GDPD4: variants seen among roughly 807,000 people sequenced by gnomAD.
GDPD4 encodes the protein glycerophosphodiester phosphodiesterase domain containing 4.
GDPD4 carries 60 observed loss-of-function variants against 67.8 expected under a neutral mutation model. The observed-to-expected ratio is 0.88, with a 90% CI of 0.72 to 1.10. The LOEUF is 1.10. GDPD4 is among the 50% of genes least tolerant of loss of function. The probability of loss-of-function intolerance (pLI) is 0.00; values close to 1 mark genes in which losing one functional copy is unlikely to be tolerated. For synonymous variants in GDPD4, 212 were observed against 210.9 expected (o/e 1.00, Z -0.04); for missense variants, 623 against 613.9 (o/e 1.01, Z -0.16).
At chr11:77,277,224 TAAAA>T (rs34429129) in intron 4 of GDPD4, among the ~76,000 whole-genome samples, 174 of 134,910 alleles carry the variant, frequency 1.3e-3, no homozygotes, top group Non-Finnish European at 2.1e-3. Context: ...TTTCCCCATG[TAAAA>T]AAAAAAAAAA....
intron 1 of GDPD4, among the ~76,000 whole-genome samples, chr11:77,296,307 GGATT>G (rs1476695970): frequency 7.0e-6 from 1 of 143,732 alleles, no homozygotes; most frequent in African/African-American, 2.6e-5. Flanking sequence ...ATTGATGTAT[GGATT>G]ATTTTTTTAA....
At chr11:77,238,030 C>G (rs905319593) in intron 13 of GDPD4, among the ~76,000 whole-genome samples, 1 of 152,066 alleles carries the variant, frequency 6.6e-6, no homozygotes, top group Admixed American at 6.5e-5. Context: ...TTAGCAAGAA[C>G]AGCAAATTAA....
At chr11:77,282,741 G>T (rs1959820766) in intron 3 of GDPD4, among the ~76,000 whole-genome samples, 1 of 151,750 alleles carries the variant, frequency 6.6e-6, no homozygotes, top group African/African-American at 2.4e-5. Context: ...TAGGACAGTA[G>T]CATTAGGAAG....
chr11:77,238,249 C>T (rs552340784), intron 13 of GDPD4, among the ~76,000 whole-genome samples: 9 of 152,170 alleles, frequency 5.9e-5, no homozygotes, highest in African/African-American at 1.4e-4. Context: ...AATTGCACAA[C>T]GATGTAAATG....
chr11:77,237,854 G>C (rs1482039265), intron 13 of GDPD4, among the ~76,000 whole-genome samples: 1 of 152,236 alleles, frequency 6.6e-6, no homozygotes, highest in Admixed American at 6.5e-5. Flanking sequence ...GCTCATGCCA[G>C]AGGTTGCAGT....
intron 16 of GDPD4, 122 bp downstream of exon 16, chr11:77,227,740 CAA>C: frequency 1.7e-6 from 1 of 599,758 alleles, no homozygotes; most frequent in East Asian, 3.5e-5. Flanking sequence ...GTCCCTCCCC[CAA>C]CCCCACCCCC....
chr11:77,282,337 T>A (rs1172910736), intron 3 of GDPD4, among the ~76,000 whole-genome samples: 1 of 151,846 alleles, frequency 6.6e-6, no homozygotes, highest in Non-Finnish European at 1.5e-5. Context: ...ATACTTAATA[T>A]AAAATAAGGC....
At chr11:77,241,038 A>G (rs1426910688) in intron 13 of GDPD4, among the ~76,000 whole-genome samples, 1 of 152,262 alleles carries the variant, frequency 6.6e-6, no homozygotes, top group South Asian at 2.1e-4. Flanking sequence ...AACTAAAAAT[A>G]GAACTAACAT....
intron 1 of GDPD4, among the ~76,000 whole-genome samples, chr11:77,301,305 C>T (rs973793870): frequency 3.0e-4 from 45 of 152,288 alleles, no homozygotes; most frequent in African/African-American, 8.2e-4. Context: ...CACCGCCATT[C>T]CCCAGCTCAT....
intron 16 of GDPD4, among the ~76,000 whole-genome samples, chr11:77,219,359 T>G (rs868378899): frequency 6.6e-6 from 1 of 152,240 alleles, no homozygotes; most frequent in Admixed American, 6.5e-5. Flanking sequence ...GGCAGTTTGT[T>G]TTGCTGTGCA....
At position 77,268,971 on chromosome 11, in the gene GDPD4, T is replaced by C. The variant is rs747172238; in HGVS notation, c.577A>G (p.Asn193Asp). 1.5e-5 allele frequency: 25 copies of C among 1,613,852 alleles called. No homozygotes were observed. The East Asian group carries it at 5.3e-4, about 35-fold the overall frequency. The change falls in exon 9 of 17, where the codon AAT (asparagine) becomes GAT (aspartate). Residue 193 changes from asparagine (N) to aspartate (D), a missense_variant. By Grantham distance (23) the Asn-to-Asp change is conservative (BLOSUM62 1). Coordinates refer to ENST00000315938, the MANE Select transcript of GDPD4 (RefSeq NM_182833.3). ...IYSPCIQEKE[N>D]LGPKPTIFGH... ...AAGATGGTTGGCTTGGGCCCCAAAT[T>C]CTCCTTCTCCTGAATGCAGGGAGAA...
intron 3 of GDPD4, among the ~76,000 whole-genome samples, chr11:77,281,279 A>G (rs865857765): frequency 2.0e-5 from 3 of 152,116 alleles, no homozygotes; most frequent in Admixed American, 6.5e-5. Context: ...CCTTTCCCCA[A>G]TACATATTGC....
At position 77,245,292 on chromosome 11, in the gene GDPD4, C is replaced by T. The variant is rs1416779487; in HGVS notation, c.1075G>A (p.Glu359Lys). 1.1e-5 allele frequency: 18 copies of T among 1,613,688 alleles called. No homozygotes were observed. Among genetic ancestry groups the T allele is most frequent in the Non-Finnish European group, 1.4e-5 (16 of 1,179,806 alleles). The change falls in exon 12 of 17, where the codon GAG becomes AAG. Residue 359 changes from glutamate (E) to lysine (K), a missense_variant. Physicochemically the swap from Glu to Lys is moderately conservative, Grantham distance 56. Coordinates refer to ENST00000315938, the MANE Select transcript of GDPD4 (RefSeq NM_182833.3). ...TGAGATAGACTTACCAGATGTTGCT[C>T]GATTTTAGAGGCAAGGATCACGCTT... ...VVSVILASKI[E>K]QHLIFWLPAH...
At chr11:77,270,110 C>T (rs1487045497) in intron 7 of GDPD4, 150 bp from the exon 8 acceptor site, 12 of 533,494 alleles carry the variant, frequency 2.2e-5, no homozygotes, top group Admixed American at 1.4e-4. Context: ...CTTTCTCTTG[C>T]CTGCATACCC....
At chr11:77,217,430 C>T in intron 16 of GDPD4, 116 bp from the exon 17 acceptor site, 1 of 870,462 alleles carries the variant, frequency 1.1e-6, no homozygotes, top group East Asian at 2.4e-5. Context: ...CTTTCAGGTT[C>T]TTTCCTCCAA....
chr11:77,251,521 C>G (rs936607987), intron 11 of GDPD4, among the ~76,000 whole-genome samples: 1 of 152,192 alleles, frequency 6.6e-6, no homozygotes, highest in Non-Finnish European at 1.5e-5. Context: ...TCTTTCAGTA[C>G]TTTGAATACC....
chr11:77,288,299 T>C lies in GDPD4; in HGVS notation c.-253-879A>G, dbSNP rs140950486. ...GGTCCCACCCACCTGCCCTGCACAC[T>C]GCTAACACTGCCAGTACCCAAGCAA... On this transcript the variant is annotated intron_variant, in intron 1 of 16. Coordinates refer to ENST00000315938, the MANE Select transcript of GDPD4 (RefSeq NM_182833.3). 1.4e-3 allele frequency among the ~76,000 whole-genome samples: 212 copies of C among 152,158 alleles called. 1 individual carries two copies. The highest frequency in any genetic ancestry group is 4.7e-3 in the African/African-American group (196 of 41,506).
intron 16 of GDPD4, among the ~76,000 whole-genome samples, chr11:77,222,630 G>A (rs1179546115): frequency 1.3e-5 from 2 of 152,186 alleles, no homozygotes; most frequent in East Asian, 3.8e-4. Flanking sequence ...CCCTTTGTGG[G>A]TAACCCGACC....
intron 11 of GDPD4, among the ~76,000 whole-genome samples, chr11:77,255,033 G>A (rs1360855409): frequency 6.6e-6 from 1 of 150,830 alleles, no homozygotes; most frequent in Non-Finnish European, 1.5e-5. Context: ...CAAACCTAAA[G>A]ATAAAGTCTC....
Sources: allele counts gnomAD v4.1 joint callset (sites outside exome capture counted in the v4.1 genomes callset), GRCh38; gene constraint gnomAD v4.1.1; transcripts MANE v1.5; gene names NCBI Gene and HGNC (gene_info 2026-07-23, HGNC 2026-07-21).